The following ACAD9 variants were observed in gnomAD, a reference collection of about 807,000 sequenced individuals.
ACAD9 encodes complex I assembly factor ACAD9, mitochondrial.
ACAD9 carries 53 observed loss-of-function variants against 70.2 expected under a neutral mutation model. The observed-to-expected ratio is 0.75, with a 90% confidence interval of 0.61 to 0.95. ACAD9 has a LOEUF of 0.95. Ranked by LOEUF, ACAD9 falls within the 40% of genes least tolerant of loss-of-function variation. ACAD9 has a pLI of 0.00. For synonymous variants in ACAD9, 313 were observed against 312.1 expected (o/e 1.00, Z -0.03); for missense variants, 777 against 802.8 (o/e 0.97, Z 0.39).
At chr3:128,893,722 A>G in intron 3 of ACAD9, 66 bp downstream of exon 3, 1 of 1,380,806 alleles carries the variant, frequency 7.2e-7, no homozygotes, top group East Asian at 2.3e-5. Flanking sequence ...TTTGTCCATA[A>G]CAGGTCTAGT....
chr3:128,909,932 T>TAA lies in ACAD9; in HGVS notation c.1564-88_1564-87dup, dbSNP rs1405680534. 10 of 1,568,268 alleles carry TAA rather than the reference T, an allele frequency of 6.4e-6. 2 individuals are homozygous for TAA. The highest frequency in any genetic ancestry group is 4.6e-5 in the East Asian group (2 of 43,956). ...CACTTTCTCAAGGAACACAGGAGAC[T>TAA]AAGACAGGCAAAGATGCAGCCCAGG... On this transcript the variant is annotated intron_variant, in intron 15 of 17. Transcript: ENST00000308982.
At position 128,897,728 on chromosome 3, in the gene ACAD9, T is replaced by C; in HGVS notation, c.633+18T>C. On this transcript the variant is annotated intron_variant, in intron 6 of 17. Transcript: ENST00000308982. ...GCTCCAAGGTAGGGTTCCTTCCCCA[T>C]GGCCACATTAGGGTCTCAGTCACAA... 6.2e-7 allele frequency: 1 copy of C among 1,610,300 alleles called. No homozygotes were observed. Among genetic ancestry groups the C allele is most frequent in the Non-Finnish European group, 8.5e-7 (1 of 1,177,928 alleles).
chr3:128,903,702 G>T (rs556472372), intron 9 of ACAD9, among the ~76,000 whole-genome samples: 66 of 152,346 alleles, frequency 4.3e-4, no homozygotes, highest in African/African-American at 1.6e-3. Context: ...TCTGTGCCTG[G>T]CTTTGTGCGA....
At chr3:128,907,129 AG>A (rs995230557) in intron 12 of ACAD9, among the ~76,000 whole-genome samples, 8 of 152,248 alleles carry the variant, frequency 5.3e-5, no homozygotes, top group African/African-American at 1.7e-4. Flanking sequence ...GGCCTGAGAC[AG>A]GGAGAGGGTT....
chr3:128,901,790 A>G (rs1935747326), intron 8 of ACAD9, among the ~76,000 whole-genome samples: 1 of 152,246 alleles, frequency 6.6e-6, no homozygotes, highest in Non-Finnish European at 1.5e-5. Flanking sequence ...TTTTTAGTAT[A>G]TTCACTATGT....
Position 128,898,623 on chromosome 3 carries a change from C to G in ACAD9, c.634-664C>G, listed in dbSNP as rs1935640486. ...CCGTGTTGCCCAGGTTGGTCTCAAA[C>G]TCCGGGGCTCAAGTGGTCTGCCCAC... On this transcript the variant is annotated intron_variant, in intron 6 of 17. Transcript: ENST00000308982. 9.9e-6 allele frequency: 3 copies of G among 302,420 alleles called. No individual in the cohort carries two copies. The Admixed American group carries it at 1.5e-4, about 15-fold the overall frequency. The allele number at this position is 302,420 out of a possible 1,614,324, so 18.7% of individuals were successfully genotyped here.
In ACAD9 at chr3:128,902,752, C is replaced by A; in HGVS notation, c.958+124C>A. The A allele has an allele frequency of 1.8e-6, 2 of 1,123,430 alleles. No homozygotes were observed. Among genetic ancestry groups the A allele is most frequent in the Non-Finnish European group, 2.6e-6 (2 of 758,634 alleles). The allele number at this position is 1,123,430 out of a possible 1,614,324, so 69.6% of individuals were successfully genotyped here. A position where few individuals can be genotyped will look rare whatever the true frequency, so the allele number is the denominator to read the frequency against. On this transcript the variant is annotated intron_variant, in intron 9 of 17. Transcript: ENST00000308982. The surrounding 1 kb of genome is among the most constrained non-coding windows in gnomAD (Gnocchi z 4.0). ...TGCTGAACCAGGCTACCAGCCTGAGCTCAGTCCCTGGGCTTTTGTGGAGAC... is the reference window on the plus strand; with the variant it reads ...TGCTGAACCAGGCTACCAGCCTGAGATCAGTCCCTGGGCTTTTGTGGAGAC...
intron 1 of ACAD9, among the ~76,000 whole-genome samples, chr3:128,882,052 C>T (rs1180112839): frequency 1.3e-5 from 2 of 152,138 alleles, no homozygotes; most frequent in Non-Finnish European, 2.9e-5. Context: ...CTTTCTCTGT[C>T]ACCTGTGCTG....
chr3:128,882,682 C>A (rs1331040027), intron 1 of ACAD9, among the ~76,000 whole-genome samples: 2 of 152,216 alleles, frequency 1.3e-5, no homozygotes, highest in African/African-American at 4.8e-5. Context: ...TTTTCCCTAT[C>A]AGCAGTCTCA....
At chr3:128,893,023 G>A (rs1392855991) in intron 2 of ACAD9, among the ~76,000 whole-genome samples, 1 of 152,058 alleles carries the variant, frequency 6.6e-6, no homozygotes, top group East Asian at 1.9e-4. Context: ...TCAAGAAATA[G>A]AACACCACCT....
At chr3:128,884,547 G>T in intron 1 of ACAD9, 106 bp from the exon 2 acceptor site, 2 of 801,968 alleles carry the variant, frequency 2.5e-6, no homozygotes, top group South Asian at 3.0e-5. Context: ...TGTCCCGCTG[G>T]CCAGGGTGGA....
chr3:128,904,343 A>T, intron 10 of ACAD9, 43 bp from the exon 11 acceptor site: 1 of 1,614,160 alleles, frequency 6.2e-7, no homozygotes, highest in South Asian at 1.1e-5. Flanking sequence ...TTTGGCTCTC[A>T]GCACATGCAA....
At position 128,896,556 on chromosome 3, in the gene ACAD9, G is replaced by A. The variant is rs201186311; in HGVS notation, c.554+20G>A. 929 of 1,612,842 alleles carry A rather than the reference G, an allele frequency of 5.8e-4. 6 individuals are homozygous for A. The African/African-American group carries it at 0.011, about 19-fold the overall frequency. ...AGCCAGGTCTGTCTCTGCACAAAAC[G>A]TTATCCCTCAGCAGCTGTGATGTTG... On this transcript the variant is annotated intron_variant, in intron 5 of 17. Coordinates refer to ENST00000308982, the MANE Select transcript of ACAD9 (RefSeq NM_014049.5).
rs774155101 is a variant in ACAD9, at chr3:128,901,340, T to C, written c.873T>C (p.Asp291=). Reference sequence around the variant, plus strand: ...AAAACATCCTTGGAGAGGTCGGAGATGGGTTTAAGGTGAGTTGCCAGCCAC... The same window carrying C: ...AAAACATCCTTGGAGAGGTCGGAGACGGGTTTAAGGTGAGTTGCCAGCCAC... The part of the protein sequence containing the change: ...PVENILGEVG[D]GFKVAMNILN... Residue 291 remains aspartate (D), a synonymous_variant, in exon 8 of 18, where the codon GAT becomes GAC. Transcript: ENST00000308982. 6.2e-7 allele frequency: 1 copy of C among 1,614,120 alleles called. No individual in the cohort carries two copies.
intron 2 of ACAD9, 158 bp from the exon 3 acceptor site, chr3:128,893,397 T>C: frequency 1.6e-6 from 1 of 620,882 alleles, no homozygotes; most frequent in Non-Finnish European, 2.8e-6. Context: ...TTACATAAAA[T>C]TGAACACAGG....
chr3:128,898,344 G>T (rs1935627156), intron 6 of ACAD9: 31 of 424,630 alleles, frequency 7.3e-5, no homozygotes, highest in Admixed American at 3.8e-4. Context: ...AGTTTTTTTT[G>T]TTTGTTTTTG....
At position 128,910,786 on chromosome 3, in the gene ACAD9, C is replaced by G. The variant is rs1176334775; in HGVS notation, c.1738C>G (p.Leu580Val). 3 of 1,614,092 alleles carry G rather than the reference C, an allele frequency of 1.9e-6. No homozygotes were observed. Among genetic ancestry groups the G allele is most frequent in the Non-Finnish European group, 2.5e-6 (3 of 1,180,056 alleles). The change falls in exon 17 of 18, where the codon CTC (leucine) becomes GTC (valine). Residue 580 changes from leucine (L) to valine (V), a missense_variant. Coordinates refer to ENST00000308982, the MANE Select transcript of ACAD9 (RefSeq NM_014049.5). ...CTGCGTGGAAGCTTACTTGCAGAAT[C>G]TCTTCAGCCTCTCTCAGCTGGACAA... ...TFCVEAYLQNLFSLSQLDKYA... is the reference protein window; with the variant it reads ...TFCVEAYLQNVFSLSQLDKYA...
intron 11 of ACAD9, among the ~76,000 whole-genome samples, chr3:128,905,629 A>G (rs1935864754): frequency 6.6e-6 from 1 of 152,254 alleles, no homozygotes; most frequent in South Asian, 2.1e-4. Flanking sequence ...CAGTCTGTGT[A>G]CTGGGTGCAT....
chr3:128,892,565 C>T (rs1168206652), intron 2 of ACAD9, among the ~76,000 whole-genome samples: 1 of 152,216 alleles, frequency 6.6e-6, no homozygotes, highest in Non-Finnish European at 1.5e-5. Flanking sequence ...AGATCTCACT[C>T]TGTCGCTCAG....
Sources: allele counts gnomAD v4.1 joint callset (sites outside exome capture counted in the v4.1 genomes callset), GRCh38; gene constraint gnomAD v4.1.1; non-coding constraint Gnocchi (gnomAD v3.1); transcripts MANE v1.5; gene names NCBI Gene and HGNC (gene_info 2026-07-23, HGNC 2026-07-21).